The following MAGT1 variants were observed in gnomAD, a reference collection of about 807,000 sequenced individuals.
MAGT1 encodes dolichyl-diphosphooligosaccharide--protein glycosyltransferase subunit MAGT1.
Under a neutral mutation model 28.4 loss-of-function variants are expected in MAGT1, and 4 were observed. That is an observed-to-expected ratio of 0.14 (90% CI 0.07 to 0.32). MAGT1 has a LOEUF of 0.32. MAGT1 is among the 10% of genes least tolerant of loss of function. The pLI is 1.00. For synonymous variants in MAGT1, 89 were observed against 89.7 expected, an observed-to-expected ratio of 0.99 and a Z score of 0.04; for missense variants, 193 against 264.5, an observed-to-expected ratio of 0.73 and a Z score of 1.88.
At chrX:77,888,017 C>T (rs1228537349) in intron 1 of MAGT1, among the ~76,000 whole-genome samples, 4 of 111,338 alleles carry the variant, frequency 3.6e-5, no homozygotes, top group African/African-American at 9.8e-5. Context: ...ACCATGTTGG[C>T]CAGGCTGGTC....
chrX:77,870,866 G>C lies in MAGT1; in HGVS notation c.332C>G (p.Thr111Ser). ...CACCATGGCAAAAAATATCCTGTTGGTGAATGCACTGGAGTATCGCCAGGA... is the reference window on the plus strand; with the variant it reads ...CACCATGGCAAAAAATATCCTGTTGCTGAATGCACTGGAGTATCGCCAGGA... The part of the protein sequence containing the change: ...ANSWRYSSAF[T>S]NRIFFAMVDF... The change falls in exon 3 of 10, where the codon ACC becomes AGC. Residue 111 changes from threonine to serine, a missense_variant. Thr to Ser is a moderately conservative substitution (Grantham distance 58, BLOSUM62 1). Coordinates refer to ENST00000618282, the MANE Select transcript of MAGT1 (RefSeq NM_001367916.1). 1 of 1,210,659 alleles carries C rather than the reference G, an allele frequency of 8.3e-7. No homozygotes were observed. The highest frequency in any genetic ancestry group is 1.1e-6 in the Non-Finnish European group (1 of 894,503).
intron 8 of MAGT1, among the ~76,000 whole-genome samples, chrX:77,840,838 A>G (rs1446871698): frequency 2.7e-5 from 3 of 112,163 alleles, no homozygotes; most frequent in Non-Finnish European, 3.8e-5. Context: ...GTGAGACCCT[A>G]TCTTAAAGAA....
chrX:77,883,819 A>C (rs2077060073), intron 1 of MAGT1, among the ~76,000 whole-genome samples: 1 of 109,961 alleles, frequency 9.1e-6, no homozygotes, highest in Non-Finnish European at 1.9e-5. Flanking sequence ...CTGGGATTAC[A>C]GGCATGAACC....
intron 7 of MAGT1, among the ~76,000 whole-genome samples, chrX:77,842,552 C>G (rs903437672): frequency 2.1e-4 from 23 of 111,870 alleles, no homozygotes; most frequent in African/African-American, 7.5e-4. Context: ...CCTGGCCGTG[C>G]GTGGTGGCTC....
intron 3 of MAGT1, among the ~76,000 whole-genome samples, chrX:77,869,160 C>T (rs2077014494): frequency 9.0e-6 from 1 of 110,736 alleles, no homozygotes; most frequent in Non-Finnish European, 1.9e-5. Flanking sequence ...GGATTACGGG[C>T]GCCCGCCACC....
At chrX:77,870,480 T>A (rs2149023592) in intron 3 of MAGT1, among the ~76,000 whole-genome samples, 1 of 111,564 alleles carries the variant, frequency 9.0e-6, no homozygotes, top group East Asian at 2.8e-4. Flanking sequence ...AAGACTTCAA[T>A]ATTACATAAT....
chrX:77,848,831 G>C (rs2076959161), intron 7 of MAGT1, among the ~76,000 whole-genome samples: 1 of 110,169 alleles, frequency 9.1e-6, no homozygotes, highest in Admixed American at 9.8e-5. Flanking sequence ...TGGACGACAG[G>C]GCGAGACTCC....
At chrX:77,833,365 C>T (rs2076904541) in intron 8 of MAGT1, among the ~76,000 whole-genome samples, 2 of 112,242 alleles carry the variant, frequency 1.8e-5, no homozygotes, top group Non-Finnish European at 1.9e-5. Flanking sequence ...ATTCTATTTA[C>T]AGCACTCTGT....
intron 7 of MAGT1, among the ~76,000 whole-genome samples, chrX:77,851,649 C>T (rs180758516): frequency 9.0e-6 from 1 of 110,910 alleles, no homozygotes; most frequent in Non-Finnish European, 1.9e-5. Context: ...GCTGGGATTA[C>T]AGGTGTGAGG....
chrX:77,845,538 G>T lies in MAGT1; in HGVS notation c.827-4218C>A, dbSNP rs183827812. Among the ~76,000 whole-genome samples, 5 of 111,850 alleles carry T rather than the reference G, an allele frequency of 4.5e-5. 1 individual carries two copies. In the Admixed American group the frequency reaches 4.8e-4, roughly 11 times the overall value. ...ATGCAGTTTCTTCCTAGCATCAATG[G>T]TCTTTACAATTTGGCATGTTTTTGC... On this transcript the variant is annotated intron_variant, in intron 7 of 9. Coordinates refer to ENST00000618282, the MANE Select transcript of MAGT1 (RefSeq NM_001367916.1).
chrX:77,834,803 G>A (rs991071604), intron 8 of MAGT1, among the ~76,000 whole-genome samples: 2 of 110,381 alleles, frequency 1.8e-5, no homozygotes, highest in Non-Finnish European at 3.8e-5. Flanking sequence ...GCAGAGCAAA[G>A]GATACAATCA....
chrX:77,853,223 C>T (rs375227571), intron 7 of MAGT1, among the ~76,000 whole-genome samples: 1 of 111,944 alleles, frequency 8.9e-6, no homozygotes, highest in East Asian at 2.8e-4. Flanking sequence ...GTATTTTTCC[C>T]TAGCACACAC....
chrX:77,871,925 C>A (rs1557217360), intron 2 of MAGT1, among the ~76,000 whole-genome samples: 1 of 111,481 alleles, frequency 9.0e-6, no homozygotes, highest in African/African-American at 3.3e-5. Flanking sequence ...TCTGTCAATT[C>A]TCATTTGCGA....
Position 77,858,968 on chromosome X carries a change from G to C in MAGT1, c.391-1471C>G, listed in dbSNP as rs782682792. Among the ~76,000 whole-genome samples, 12 of 110,498 alleles carry C rather than the reference G, an allele frequency of 1.1e-4. No individual in the cohort carries two copies. The Admixed American group carries it at 1.2e-3, about 11-fold the overall frequency. On this transcript the variant is annotated intron_variant, in intron 3 of 9. Transcript: ENST00000618282. Reference sequence around the variant, plus strand: ...CTCACACTTGTAATCCCAGCACTTTGGGAGGCCGAGGTGGGCAGATAATGA... The same window carrying C: ...CTCACACTTGTAATCCCAGCACTTTCGGAGGCCGAGGTGGGCAGATAATGA...
chrX:77,863,698 C>T (rs1255941494), intron 3 of MAGT1, among the ~76,000 whole-genome samples: 1 of 111,584 alleles, frequency 9.0e-6, no homozygotes, highest in Non-Finnish European at 1.9e-5. Flanking sequence ...ACCTAAGCAT[C>T]CATCAACAGA....
At chrX:77,895,283 C>T (rs1265758253) in intron 1 of MAGT1, 26 bp downstream of exon 1, 1 of 1,206,604 alleles carries the variant, frequency 8.3e-7, no homozygotes, top group African/African-American at 1.7e-5. Context: ...GGGAAAAGCC[C>T]ATGCTGCTGG....
chrX:77,879,387 G>C (rs1371452270), intron 1 of MAGT1, among the ~76,000 whole-genome samples: 6 of 111,806 alleles, frequency 5.4e-5, no homozygotes, highest in African/African-American at 1.9e-4. Flanking sequence ...GCCATGAGTA[G>C]TAAGAAGGCA....
intron 1 of MAGT1, among the ~76,000 whole-genome samples, chrX:77,894,779 T>C (rs890022583): frequency 8.0e-5 from 9 of 112,302 alleles, no homozygotes; most frequent in African/African-American, 2.6e-4. Flanking sequence ...ATGCTTACAT[T>C]TGTGGAATGA....
At position 77,830,841 on chromosome X, in the gene MAGT1, G is replaced by A. The variant is rs1752098544; in HGVS notation, c.956C>T (p.Ser319Phe). 1 of 1,161,126 alleles carries A rather than the reference G, an allele frequency of 8.6e-7. No homozygotes were observed. The highest frequency in any genetic ancestry group is 1.2e-6 in the Non-Finnish European group (1 of 863,234). ...GCCATGATATTTAGATCTAAAAATA[G>A]AGAGCATCCAACTGAAGAATAATAC... ...LVVLFFSWMLSIFRSKYHGYP... is the reference protein window; with the variant it reads ...LVVLFFSWMLFIFRSKYHGYP... Residue 319 changes from serine to phenylalanine, a missense_variant, in exon 9 of 10, where the codon TCT becomes TTT. By Grantham distance (155) the Ser-to-Phe change is radical. Transcript: ENST00000618282.
Sources: gnomAD v4.1 joint callset for allele counts (sites outside exome capture counted in the v4.1 genomes callset) on GRCh38, gnomAD v4.1.1 for gene constraint, MANE v1.5 for transcripts, NCBI Gene and HGNC (gene_info 2026-07-23, HGNC 2026-07-21) for gene names.